The following REEP1 variants were observed in gnomAD, a reference collection of about 807,000 sequenced individuals.
The protein encoded by REEP1 is receptor expression-enhancing protein 1.
REEP1 carries 22 observed loss-of-function variants against 40.3 expected under a neutral mutation model. The observed-to-expected ratio is 0.55, with a 90% CI of 0.39 to 0.78. REEP1 has a LOEUF of 0.78. Ranked by LOEUF, REEP1 falls within the 30% of genes least tolerant of loss-of-function variation. The pLI is 0.00. For missense variants in REEP1, 280 were observed against 361.1 expected, an observed-to-expected ratio of 0.78 and a Z score of 1.82; for synonymous variants, 116 against 139.2, an observed-to-expected ratio of 0.83 and a Z score of 1.17.
intron 1 of REEP1, among the ~76,000 whole-genome samples, chr2:86,327,669 G>C (rs1349316701): frequency 6.6e-6 from 1 of 150,934 alleles, no homozygotes; most frequent in African/African-American, 2.4e-5. Context: ...CCAGGTTCAC[G>C]CCATTCTCCT....
At chr2:86,282,327 C>T (rs1023382624) in intron 1 of REEP1, 85 bp from the exon 2 acceptor site, 25 of 1,013,396 alleles carry the variant, frequency 2.5e-5, no homozygotes, top group Non-Finnish European at 3.9e-5. Flanking sequence ...CCAAGAGCAA[C>T]TCTCTAAGCT....
chr2:86,314,709 T>G (rs1262992873), intron 1 of REEP1, among the ~76,000 whole-genome samples: 1 of 150,024 alleles, frequency 6.7e-6, no homozygotes, highest in Non-Finnish European at 1.5e-5. Flanking sequence ...CTTGCTCTGT[T>G]GCCCAGGCCG....
intron 1 of REEP1, among the ~76,000 whole-genome samples, chr2:86,332,436 AACACACACACACACACACAC>A (rs55793634): frequency 5.1e-5 from 7 of 136,134 alleles, no homozygotes; most frequent in Non-Finnish European, 7.8e-5. Flanking sequence ...CTTTCCTGGA[AACACACACACACACACACAC>A]ACACACACAC....
chr2:86,314,510 C>G (rs951418598), intron 1 of REEP1, among the ~76,000 whole-genome samples: 1 of 151,606 alleles, frequency 6.6e-6, no homozygotes, highest in Non-Finnish European at 1.5e-5. Flanking sequence ...GGAGGCCTAG[C>G]GACAGGGCTA....
chr2:86,275,389 A>G (rs1228883272), intron 2 of REEP1, among the ~76,000 whole-genome samples: 4 of 152,210 alleles, frequency 2.6e-5, no homozygotes, highest in Non-Finnish European at 2.9e-5. Flanking sequence ...TGGGGCCTCA[A>G]TGATTACAGA....
intron 1 of REEP1, among the ~76,000 whole-genome samples, chr2:86,327,920 A>G (rs763715074): frequency 6.6e-6 from 1 of 152,084 alleles, no homozygotes; most frequent in Non-Finnish European, 1.5e-5. Context: ...AGCAGAGAAA[A>G]CAGTCAGGAG....
intron 2 of REEP1, among the ~76,000 whole-genome samples, chr2:86,272,860 T>C (rs1037896387): frequency 6.6e-6 from 1 of 152,128 alleles, no homozygotes; most frequent in Non-Finnish European, 1.5e-5. Flanking sequence ...TGGTGGCTCA[T>C]GCCAGTAATC....
intron 3 of REEP1, 81 bp downstream of exon 3, chr2:86,263,884 G>C (rs2104302192): frequency 9.8e-7 from 1 of 1,020,610 alleles, no homozygotes; most frequent in South Asian, 1.3e-5. Flanking sequence ...TTTGAGGCTG[G>C]GTTCAGCCCT....
In REEP1 at chr2:86,252,022, G is replaced by A; in HGVS notation, c.352C>T (p.Leu118Phe). ...AAGCCCCGCTTCCCGAAGTGCACAA[G>A]GGCATCGTAACTTCGGTCTTTTGCT... ...VQAKDRSYDA[L>F]VHFGKRGLNV... Residue 118 changes from leucine (L) to phenylalanine (F), a missense_variant, in exon 5 of 9, where the codon CTT (leucine) becomes TTT (phenylalanine). Transcript: ENST00000538924. The A allele has an allele frequency of 6.2e-7, 1 of 1,614,098 alleles. No homozygotes were observed. The highest frequency in any genetic ancestry group is 8.5e-7 in the Non-Finnish European group (1 of 1,180,018).
At chr2:86,276,160 C>T (rs943883100) in intron 2 of REEP1, among the ~76,000 whole-genome samples, 3 of 152,158 alleles carry the variant, frequency 2.0e-5, no homozygotes, top group Non-Finnish European at 2.9e-5. Context: ...ATCCCTCTCA[C>T]CAAGGCTGAC....
intron 7 of REEP1, among the ~76,000 whole-genome samples, chr2:86,222,598 C>T (rs569150976): frequency 6.6e-6 from 1 of 152,320 alleles, no homozygotes; most frequent in Non-Finnish European, 1.5e-5. Flanking sequence ...GTATTTCCCT[C>T]TTTGCAGTGG....
At chr2:86,256,066 T>C (rs1427145466) in intron 3 of REEP1, among the ~76,000 whole-genome samples, 2 of 152,006 alleles carry the variant, frequency 1.3e-5, no homozygotes, top group Non-Finnish European at 2.9e-5. Context: ...AAGAACTCAC[T>C]GGCCGGGCGC....
intron 1 of REEP1, among the ~76,000 whole-genome samples, chr2:86,326,090 A>T (rs1299087130): frequency 6.6e-6 from 1 of 152,210 alleles, no homozygotes; most frequent in African/African-American, 2.4e-5. Flanking sequence ...AGTCATTCAC[A>T]CACACCCACA....
intron 7 of REEP1, among the ~76,000 whole-genome samples, chr2:86,223,277 T>G (rs1417345271): frequency 6.6e-6 from 1 of 152,178 alleles, no homozygotes; most frequent in African/African-American, 2.4e-5. Context: ...CTCTTCTCTC[T>G]GTGGGGAAGG....
intron 1 of REEP1, among the ~76,000 whole-genome samples, chr2:86,321,613 G>C (rs1458283352): frequency 1.3e-5 from 2 of 152,120 alleles, no homozygotes; most frequent in African/African-American, 4.8e-5. Flanking sequence ...ACAACTTCAT[G>C]ACCAAATTGG....
At chr2:86,281,263 T>C (rs368517712) in intron 2 of REEP1, among the ~76,000 whole-genome samples, 15 of 152,188 alleles carry the variant, frequency 9.9e-5, no homozygotes, top group East Asian at 5.8e-4. Context: ...CAACAGTAAT[T>C]GAGATTATCC....
intron 4 of REEP1, among the ~76,000 whole-genome samples, chr2:86,254,353 C>G (rs2104241816): frequency 6.6e-6 from 1 of 152,076 alleles, no homozygotes; most frequent in African/African-American, 2.4e-5. Context: ...TTAAAATAGT[C>G]TATGTAAAAA....
intron 5 of REEP1, among the ~76,000 whole-genome samples, chr2:86,235,866 C>A (rs1291760133): frequency 6.6e-6 from 1 of 152,162 alleles, no homozygotes; most frequent in Non-Finnish European, 1.5e-5. Flanking sequence ...GGCATAGATA[C>A]AAGACTCCTG....
intron 2 of REEP1, among the ~76,000 whole-genome samples, chr2:86,276,239 A>G (rs1048524923): frequency 6.6e-6 from 1 of 152,194 alleles, no homozygotes; most frequent in Non-Finnish European, 1.5e-5. Context: ...GGCTGATACC[A>G]TATCACAAGG....
Sources: gnomAD v4.1 joint callset for allele counts (sites outside exome capture counted in the v4.1 genomes callset) on GRCh38, gnomAD v4.1.1 for gene constraint, MANE v1.5 for transcripts, NCBI Gene and HGNC (gene_info 2026-07-23, HGNC 2026-07-21) for gene names.